CXCL12: variants seen among roughly 807,000 people sequenced by gnomAD.
CXCL12 encodes C-X-C motif chemokine ligand 12, also known as stromal cell-derived factor 1.
CXCL12 carries 4 observed loss-of-function variants against 10.7 expected under a neutral mutation model. The observed-to-expected ratio is 0.37, with a 90% CI of 0.18 to 0.86. CXCL12 has a LOEUF of 0.86. Among genes scored for constraint, CXCL12 ranks in the 40% least tolerant of loss-of-function variants. CXCL12 has a pLI of 0.43. For missense variants in CXCL12, 122 were observed against 110.4 expected, an observed-to-expected ratio of 1.10 and a Z score of -0.47; for synonymous variants, 54 against 45.4, an observed-to-expected ratio of 1.19 and a Z score of -0.77.
At chr10:44,373,447 T>C, downstream of CXCL12, 1 of 1,005,574 alleles carries the variant, frequency 9.9e-7, no homozygotes, top group Non-Finnish European at 1.5e-6. Context: ...GGCCAATCCC[T>C]ACTTCCAAGT....
At chr10:44,382,800 T>G (rs1564463967) in intron 1 of CXCL12, among the ~76,000 whole-genome samples, 1 of 152,232 alleles carries the variant, frequency 6.6e-6, no homozygotes, top group Non-Finnish European at 1.5e-5. Context: ...CTTTTTAAAG[T>G]GACAGAGCCC....
In CXCL12 at chr10:44,377,835, T is replaced by C; in HGVS notation, c.*798A>G. On this transcript the variant is annotated 3_prime_UTR_variant, in exon 3 of 3. Coordinates refer to ENST00000343575, the MANE Select transcript of CXCL12 (RefSeq NM_199168.4). Reference sequence around the variant, plus strand: ...AGGGCCCGAGCTGTGGGGCAGGCCCTGGGAGGAGAGGGATGCAGGGCACGA... The same window carrying C: ...AGGGCCCGAGCTGTGGGGCAGGCCCCGGGAGGAGAGGGATGCAGGGCACGA... The C allele has an allele frequency of 6.3e-7, 1 of 1,595,030 alleles. No individual in the cohort carries two copies. Among genetic ancestry groups the C allele is most frequent in the South Asian group, 1.1e-5 (1 of 90,298 alleles).
At chr10:44,371,187 GA>G (rs1839303671), downstream of CXCL12, 2 of 243,744 alleles carry the variant, frequency 8.2e-6, no homozygotes, top group Non-Finnish European at 1.7e-5. Flanking sequence ...ATTGTTAGTA[GA>G]GGAATTGTTA....
intron 2 of CXCL12, among the ~76,000 whole-genome samples, chr10:44,380,025 C>T (rs1839578388): frequency 6.6e-6 from 1 of 152,202 alleles, no homozygotes; most frequent in African/African-American, 2.4e-5. Flanking sequence ...AGCACTAGAA[C>T]TTCTGAGCAA....
chr10:44,370,220 A>G (rs1336168362), exon 4 of CXCL12: 2 of 152,268 alleles, frequency 1.3e-5, no homozygotes, highest in African/African-American at 4.8e-5. Flanking sequence ...ACATTTTTTC[A>G]TTGGTATGAC....
intron 2 of CXCL12, 39 bp downstream of exon 2, chr10:44,380,705 TACTATGTTCGTTAGATGCA>T (rs1296179049): frequency 2.7e-5 from 38 of 1,412,060 alleles, no homozygotes; most frequent in South Asian, 8.0e-5. Flanking sequence ...GGTTAGATGT[TACTATGTTCGTTAGATGCA>T]ACTATGTTCG....
Position 44,378,677 on chromosome 10 carries a change from G to C in CXCL12, c.226C>G (p.Leu76Val). Residue 76 changes from leucine (L) to valine (V), a missense_variant, in exon 3 of 3, where the codon CTA (leucine) becomes GTA (valine). Coordinates refer to ENST00000343575, the MANE Select transcript of CXCL12 (RefSeq NM_199168.4). ...NNRQVCIDPK[L>V]KWIQEYLEKA... ...TCCAGGTACTCCTGAATCCACTTTAGCTTCGGGTCAATGCACACTTGTCTG... is the reference window on the plus strand; with the variant it reads ...TCCAGGTACTCCTGAATCCACTTTACCTTCGGGTCAATGCACACTTGTCTG... 1 of 1,614,176 alleles carries C rather than the reference G, an allele frequency of 6.2e-7. No homozygotes were observed. Among genetic ancestry groups the C allele is most frequent in the Non-Finnish European group, 8.5e-7 (1 of 1,180,032 alleles).
chr10:44,377,624 G>T lies in CXCL12; in HGVS notation c.*1009C>A. The T allele has an allele frequency of 1.3e-6, 2 of 1,522,596 alleles. No individual in the cohort carries two copies. The highest frequency in any genetic ancestry group is 2.5e-5 in the South Asian group (2 of 80,910). 94.3% of individuals were successfully genotyped at this position (1,522,596 alleles called of 1,614,324 possible). On this transcript the variant is annotated 3_prime_UTR_variant, in exon 3 of 3. Coordinates refer to ENST00000343575, the MANE Select transcript of CXCL12 (RefSeq NM_199168.4). ...TTCGGAAACCTCAGAGTTTGTTAGTGCCTCCATGGCATACATAGGCTTCAG... is the reference window on the plus strand; with the variant it reads ...TTCGGAAACCTCAGAGTTTGTTAGTTCCTCCATGGCATACATAGGCTTCAG...
At chr10:44,372,855 T>C (rs1839348142), downstream of CXCL12, 1 of 1,521,450 alleles carries the variant, frequency 6.6e-7, no homozygotes, top group Middle Eastern at 1.9e-4. Flanking sequence ...CATGTGGCCC[T>C]CCACCATCCC....
chr10:44,373,033 T>C (rs1182038419), downstream of CXCL12: 2 of 1,536,082 alleles, frequency 1.3e-6, no homozygotes, highest in African/African-American at 1.4e-5. Context: ...CCAGGAGCCC[T>C]GAGTCAGAGG....
At chr10:44,373,246 G>C, downstream of CXCL12, 2 of 1,568,704 alleles carry the variant, frequency 1.3e-6, no homozygotes, top group South Asian at 2.3e-5. Context: ...GCCCTGGCAG[G>C]GGAGGCTGTG....
rs1227624764 is a variant in CXCL12 at position 44,380,845 on chromosome 10, G to A, written c.97C>T (p.Arg33Ter). ...PVSLSYRCPC[R>*]FFESHVARAN... ...CTGGCAACATGGCTTTCGAAGAATC[G>A]GCATGGGCATCTGTAGCTCAGGCTG... Residue 33 changes from arginine to a stop codon, truncating the protein, a stop_gained, in exon 2 of 3, where the codon CGA becomes TGA. Coordinates refer to ENST00000343575, the MANE Select transcript of CXCL12 (RefSeq NM_199168.4). LOFTEE classifies it high-confidence loss of function. The A allele has an allele frequency of 1.9e-6, 3 of 1,614,186 alleles. No individual in the cohort carries two copies. The highest frequency in any genetic ancestry group is 2.2e-5 in the East Asian group (1 of 44,874).
chr10:44,382,972 G>A (rs1376058369), intron 1 of CXCL12, among the ~76,000 whole-genome samples: 1 of 152,184 alleles, frequency 6.6e-6, no homozygotes, highest in Admixed American at 6.5e-5. Flanking sequence ...TTTGGGACCG[G>A]GTGAGCTTGG....
chr10:44,373,124 C>T (rs754705559), downstream of CXCL12: 38 of 1,533,350 alleles, frequency 2.5e-5, 2 homozygotes, highest in South Asian at 4.3e-4. Context: ...GCCAGTGACA[C>T]TGAATAATCA....
At position 44,385,082 on chromosome 10, in the gene CXCL12, A is replaced by C. The variant is rs1452533990; in HGVS notation, c.-77T>G. On this transcript the variant is annotated 5_prime_UTR_variant, in exon 1 of 3. Transcript: ENST00000343575. ...GCCGAGCGGGCAATGCGGCTGACGG[A>C]GAGTGAAAGTGCGGCGGTGGGAGGC... 3 of 1,152,058 alleles carry C rather than the reference A, an allele frequency of 2.6e-6. No homozygotes were observed. The Admixed American group carries it at 9.5e-5, about 36-fold the overall frequency. The allele number at this position is 1,152,058 out of a possible 1,614,324, so 71.4% of individuals were successfully genotyped here. A position where few individuals can be genotyped will look rare whatever the true frequency, so the allele number is the denominator to read the frequency against.
downstream of CXCL12, chr10:44,373,198 G>A (rs1339256060): frequency 2.6e-6 from 4 of 1,542,436 alleles, no homozygotes; most frequent in African/African-American, 2.8e-5. Context: ...ATATGGCAAA[G>A]TGTGCAAAAC....
chr10:44,372,510 G>T, downstream of CXCL12: 2 of 551,554 alleles, frequency 3.6e-6, no homozygotes, highest in Non-Finnish European at 5.0e-6. Context: ...ACATAGGATT[G>T]GACAATGGAC....
chr10:44,380,122 C>T lies in CXCL12; in HGVS notation c.179+641G>A, dbSNP rs143281512. ...TTGAGCATGAGAGGGCTTTCAAGCA[C>T]ATGGCTTTCTTCCCGCATTTCTCCC... is the stretch of plus-strand genomic sequence containing the variant. On this transcript the variant is annotated intron_variant, in intron 2 of 2. Transcript: ENST00000343575. Among the ~76,000 whole-genome samples the T allele has an allele frequency of 5.3e-3, 811 of 152,344 alleles. 6 individuals are homozygous for T. The highest frequency in any genetic ancestry group is 0.018 in the African/African-American group (769 of 41,584).
downstream of CXCL12, among the ~76,000 whole-genome samples, chr10:44,376,582 C>T (rs188659760): frequency 2.4e-3 from 364 of 152,256 alleles, 2 homozygotes; most frequent in Non-Finnish European, 3.4e-3. Flanking sequence ...GGAATGAATG[C>T]GATTGTTCTG....
Sources: allele counts gnomAD v4.1 joint callset (sites outside exome capture counted in the v4.1 genomes callset), GRCh38; gene constraint gnomAD v4.1.1; transcripts MANE v1.5; gene names NCBI Gene and HGNC (gene_info 2026-07-23, HGNC 2026-07-21).